Variants in REV3L observed in about 807,000 individuals in gnomAD.
The protein encoded by REV3L is DNA polymerase zeta catalytic subunit.
In REV3L, 69 loss-of-function variants were observed where a neutral mutation model predicts 299.4. The observed-to-expected ratio is 0.23, with a 90% CI of 0.19 to 0.28. REV3L has a LOEUF of 0.28. REV3L is among the 10% of genes least tolerant of loss of function. The probability of loss-of-function intolerance (pLI) is 1.00; values close to 1 mark genes in which losing one functional copy is unlikely to be tolerated. For synonymous variants in REV3L, 1,238 were observed against 1,271.4 expected, an observed-to-expected ratio of 0.97 and a Z score of 0.56; for missense variants, 3,128 against 3,693.8, an observed-to-expected ratio of 0.85 and a Z score of 3.97.
At chr6:111,387,296 C>T (rs1781441178) in intron 9 of REV3L, among the ~76,000 whole-genome samples, 1 of 152,082 alleles carries the variant, frequency 6.6e-6, no homozygotes, top group South Asian at 2.1e-4. Context: ...TAAATGGACA[C>T]AAGGGATCCT....
chr6:111,459,271 A>G (rs1372580743), intron 1 of REV3L, among the ~76,000 whole-genome samples: 1 of 152,170 alleles, frequency 6.6e-6, no homozygotes, highest in African/African-American at 2.4e-5. Context: ...CACCATATAC[A>G]AAAATTAACT....
intron 1 of REV3L, among the ~76,000 whole-genome samples, chr6:111,479,858 A>G (rs988624884): frequency 1.3e-5 from 2 of 152,184 alleles, no homozygotes; most frequent in Non-Finnish European, 2.9e-5. Flanking sequence ...TCACCAACTT[A>G]AGACATGGGA....
Position 111,329,663 on chromosome 6 carries a change from T to C in REV3L, c.8110A>G (p.Met2704Val), listed in dbSNP as rs370339035. 4.2e-5 allele frequency: 67 copies of C among 1,613,988 alleles called. No individual in the cohort carries two copies. Among genetic ancestry groups the C allele is most frequent in the Admixed American group, 8.3e-5 (5 of 60,004 alleles). The change falls in exon 25 of 32, where the codon ATG (methionine) becomes GTG (valine). Residue 2704 changes from methionine (M) to valine (V), a missense_variant. This residue lies in a region of REV3L where 53 missense variants were observed against 57.4 expected (regional missense o/e 0.92). Transcript: ENST00000368802. ...GCTCTGTCTTGCTTGTAAGCCTTCA[T>C]TGACTGCTTCACCATAAATCTAGTC... ...LKTRFMVKQSMKAYKQDRALS... is the reference protein window; with the variant it reads ...LKTRFMVKQSVKAYKQDRALS...
chr6:111,336,752 T>C (rs1775929239), intron 21 of REV3L, among the ~76,000 whole-genome samples: 1 of 152,160 alleles, frequency 6.6e-6, no homozygotes, highest in Non-Finnish European at 1.5e-5. Flanking sequence ...TTAATCATAG[T>C]AGCCCAAAGT....
At chr6:111,419,775 C>A (rs1785117258) in intron 1 of REV3L, among the ~76,000 whole-genome samples, 1 of 152,056 alleles carries the variant, frequency 6.6e-6, no homozygotes, top group African/African-American at 2.4e-5. Context: ...ATACAGGATG[C>A]TTTCAAGAAT....
chr6:111,409,633 C>A (rs2128278972), intron 3 of REV3L, among the ~76,000 whole-genome samples: 1 of 152,204 alleles, frequency 6.6e-6, no homozygotes, highest in East Asian at 1.9e-4. Flanking sequence ...GTTCTGTTTT[C>A]TCTAAGAAGG....
rs73765977 is a variant in REV3L, at chr6:111,475,679, G to A, written c.139+7071C>T. Among the ~76,000 whole-genome samples the A allele has an allele frequency of 1.6e-3, 239 of 152,156 alleles. 3 individuals are homozygous for A. The highest frequency in any genetic ancestry group is 5.2e-3 in the African/African-American group (215 of 41,532). On this transcript the variant is annotated intron_variant, in intron 1 of 31. Coordinates refer to ENST00000368802, the MANE Select transcript of REV3L (RefSeq NM_001372078.1). ...ATTATTTTCTAGTTCTTTGTATTAAGAGGAACTTAGCCCTTTGTGAAGTAT... is the reference window on the plus strand; with the variant it reads ...ATTATTTTCTAGTTCTTTGTATTAAAAGGAACTTAGCCCTTTGTGAAGTAT...
intron 20 of REV3L, among the ~76,000 whole-genome samples, chr6:111,345,543 C>T (rs543932115): frequency 6.6e-6 from 1 of 152,234 alleles, no homozygotes; most frequent in Non-Finnish European, 1.5e-5. Flanking sequence ...TGTCCTCCAT[C>T]CTACCTAAGC....
At chr6:111,389,919 A>C (rs769381727) in intron 6 of REV3L, among the ~76,000 whole-genome samples, 167 bp downstream of exon 6, 1 of 151,770 alleles carries the variant, frequency 6.6e-6, no homozygotes, top group Non-Finnish European at 1.5e-5. Context: ...TTTGTATTTT[A>C]GTAGAGACGG....
At chr6:111,461,159 G>T (rs1353872597) in intron 1 of REV3L, among the ~76,000 whole-genome samples, 1 of 152,012 alleles carries the variant, frequency 6.6e-6, no homozygotes, top group East Asian at 1.9e-4. Context: ...ACAGAAGAAG[G>T]AACTGTTATC....
intron 1 of REV3L, among the ~76,000 whole-genome samples, chr6:111,481,061 A>C (rs1366784591): frequency 6.6e-6 from 1 of 152,202 alleles, no homozygotes; most frequent in African/African-American, 2.4e-5. Flanking sequence ...ACAAAGCTTG[A>C]CTATCTCTCA....
At chr6:111,450,502 A>AAC (rs1420708693) in intron 1 of REV3L, among the ~76,000 whole-genome samples, 100 of 150,568 alleles carry the variant, frequency 6.6e-4, no homozygotes, top group South Asian at 4.8e-3. Flanking sequence ...AAAAAAAAAA[A>AAC]AAAACCAAAA....
chr6:111,327,954 T>C (rs1775011725), intron 25 of REV3L, among the ~76,000 whole-genome samples: 1 of 152,232 alleles, frequency 6.6e-6, no homozygotes, highest in Non-Finnish European at 1.5e-5. Context: ...CCTGCTTTTC[T>C]CTTACTGAAC....
At chr6:111,377,398 G>A (rs1780422578) in intron 12 of REV3L, among the ~76,000 whole-genome samples, 1 of 152,076 alleles carries the variant, frequency 6.6e-6, no homozygotes, top group Admixed American at 6.6e-5. Flanking sequence ...ATGCCATGGA[G>A]CAATCACAGC....
In REV3L at chr6:111,375,110, T is replaced by G; in HGVS notation, c.3245A>C (p.His1082Pro). 6.2e-7 allele frequency: 1 copy of G among 1,611,048 alleles called. No individual in the cohort carries two copies. Among genetic ancestry groups the G allele is most frequent in the Non-Finnish European group, 8.5e-7 (1 of 1,179,188 alleles). The part of the protein sequence containing the change: ...RTLSFRKKRS[H>P]AILSPPSPSY... ...TGGTGAGGGAGGAGAAAGAATAGCATGTGACCGTTTTTTCCTGAAAGACAA... is the reference window on the plus strand; with the variant it reads ...TGGTGAGGGAGGAGAAAGAATAGCAGGTGACCGTTTTTTCCTGAAAGACAA... The change falls in exon 13 of 32, where the codon CAT becomes CCT. Residue 1082 changes from histidine to proline, a missense_variant. His to Pro is a moderately conservative substitution (Grantham distance 77). Transcript: ENST00000368802.
chr6:111,470,056 T>C (rs1791992183), intron 1 of REV3L, among the ~76,000 whole-genome samples: 1 of 152,096 alleles, frequency 6.6e-6, no homozygotes, highest in Admixed American at 6.5e-5. Flanking sequence ...AATCTTACTA[T>C]CACCTTGTAA....
At position 111,389,110 on chromosome 6, in the gene REV3L, T is replaced by A. The variant is rs1781639862; in HGVS notation, c.858A>T (p.Ser286=). 2.5e-6 allele frequency: 4 copies of A among 1,611,780 alleles called. No individual in the cohort carries two copies. Among genetic ancestry groups the A allele is most frequent in the Non-Finnish European group, 3.4e-6 (4 of 1,177,908 alleles). The change falls in exon 7 of 32, where the codon TCA becomes TCT. Residue 286 remains serine, a synonymous_variant. Transcript: ENST00000368802. ...AGAGCACTATTAGGTTTATACCTTG[T>A]GACTCAGGTTGGCTCATTTGAGAAG... ...NETSQMSQPE[S]QDHRFVPATE...
At chr6:111,413,976 T>C (rs1784512391) in intron 2 of REV3L, among the ~76,000 whole-genome samples, 1 of 152,140 alleles carries the variant, frequency 6.6e-6, no homozygotes, top group Non-Finnish European at 1.5e-5. Flanking sequence ...TAATTGCTCC[T>C]GTTATAGGAT....
At chr6:111,324,491 G>A (rs763226951) in intron 25 of REV3L, among the ~76,000 whole-genome samples, 3 of 152,158 alleles carry the variant, frequency 2.0e-5, no homozygotes, top group Non-Finnish European at 4.4e-5. Flanking sequence ...AAAAAGAGCT[G>A]CATAAGCAAG....
Sources: gnomAD v4.1 joint callset for allele counts (sites outside exome capture counted in the v4.1 genomes callset) on GRCh38, gnomAD v4.1.1 for gene constraint, gnomAD v4.1.1 regional missense constraint, MANE v1.5 for transcripts, NCBI Gene and HGNC (gene_info 2026-07-23, HGNC 2026-07-21) for gene names.